ANKRD62: variants seen among roughly 807,000 people sequenced by gnomAD.
ANKRD62 encodes ankyrin repeat domain-containing protein 62.
In ANKRD62, 61 loss-of-function variants were observed where a neutral mutation model predicts 98.8. The observed-to-expected ratio is 0.62, with a 90% CI of 0.50 to 0.76. The LOEUF is 0.76. Ranked by LOEUF, ANKRD62 falls within the 30% of genes least tolerant of loss-of-function variation. The pLI, the probability that ANKRD62 is intolerant of heterozygous loss-of-function variation, is 0.00. For missense variants in ANKRD62, 933 were observed against 1,082.9 expected, an observed-to-expected ratio of 0.86 and a Z score of 1.94; for synonymous variants, 341 against 367.9, an observed-to-expected ratio of 0.93 and a Z score of 0.84.
the ANKRD62 span, among the ~76,000 whole-genome samples, chr18:12,173,534 C>G: frequency 6.6e-6 from 1 of 152,156 alleles, no homozygotes; most frequent in Admixed American, 6.5e-5. Context: ...ATCCTGTCGT[C>G]ATGATGTTAG....
chr18:12,140,656 A>G, the ANKRD62 span, among the ~76,000 whole-genome samples: 1 of 152,316 alleles, frequency 6.6e-6, no homozygotes, highest in Middle Eastern at 3.4e-3. Context: ...TGGCTGCACA[A>G]CAGCAGATAT....
chr18:12,122,667 A>T (rs573233051), intron 11 of ANKRD62, among the ~76,000 whole-genome samples, 151 bp downstream of exon 11: 1 of 152,352 alleles, frequency 6.6e-6, no homozygotes, highest in African/African-American at 2.4e-5. Flanking sequence ...ATAAAAAATC[A>T]CAAGTTAATT....
intron 10 of ANKRD62, among the ~76,000 whole-genome samples, chr18:12,119,150 A>G (rs781466640): frequency 2.0e-5 from 3 of 151,076 alleles, no homozygotes; most frequent in Non-Finnish European, 4.4e-5. Context: ...AATTTTATCT[A>G]TTTTGTCATG....
At position 12,094,197 on chromosome 18, in the gene ANKRD62, C is replaced by T. The variant is rs905814472; in HGVS notation, c.180C>T (p.Leu60=). The T allele has an allele frequency of 1.1e-5, 17 of 1,530,540 alleles. No individual in the cohort carries two copies. Among genetic ancestry groups the T allele is most frequent in the African/African-American group, 2.8e-5 (2 of 70,760 alleles). 94.8% of individuals were successfully genotyped at this position (1,530,540 alleles called of 1,614,324 possible). The change falls in exon 1 of 14, where the codon CTC becomes CTT. Residue 60 remains leucine, a synonymous_variant. Coordinates refer to ENST00000587848, the MANE Select transcript of ANKRD62 (RefSeq NM_001277333.2). ...ACAAGGTGATGGAGAGCATCTTGCT[C>T]AGGCTGAATGACTTGAACGACAGGG... ...DVNKVMESIL[L]RLNDLNDRDK...
the ANKRD62 span, among the ~76,000 whole-genome samples, chr18:12,154,588 T>C: frequency 6.6e-6 from 1 of 152,220 alleles, no homozygotes; most frequent in Non-Finnish European, 1.5e-5. Flanking sequence ...AAAGCAGAAC[T>C]AGCATTCCAC....
chr18:12,109,233 T>C (rs1167589691), intron 8 of ANKRD62, among the ~76,000 whole-genome samples: 3 of 152,220 alleles, frequency 2.0e-5, no homozygotes, highest in African/African-American at 7.2e-5. Flanking sequence ...CATCTAGGCA[T>C]TTCCATACAT....
chr18:12,150,392 G>A, the ANKRD62 span, among the ~76,000 whole-genome samples: 1 of 152,182 alleles, frequency 6.6e-6, no homozygotes, highest in Non-Finnish European at 1.5e-5. Context: ...TCAGTATATT[G>A]TCTATGACAA....
At chr18:12,126,956 T>A (rs1402410030) in intron 13 of ANKRD62, among the ~76,000 whole-genome samples, 1 of 152,234 alleles carries the variant, frequency 6.6e-6, no homozygotes, top group African/African-American at 2.4e-5. Flanking sequence ...ATACAAACAT[T>A]CCATTCTTTA....
the ANKRD62 span, among the ~76,000 whole-genome samples, chr18:12,155,372 A>C: frequency 6.6e-6 from 1 of 152,246 alleles, no homozygotes; most frequent in African/African-American, 2.4e-5. Flanking sequence ...GCAGGAGGCC[A>C]CATCTTGGCT....
the ANKRD62 span, among the ~76,000 whole-genome samples, chr18:12,154,492 G>A: frequency 6.6e-6 from 1 of 152,200 alleles, no homozygotes; most frequent in Admixed American, 6.5e-5. Context: ...TACATTGTTG[G>A]TGGGAGTGTT....
the ANKRD62 span, among the ~76,000 whole-genome samples, chr18:12,135,131 T>C: frequency 6.6e-6 from 1 of 150,582 alleles, no homozygotes; most frequent in Non-Finnish European, 1.5e-5. Context: ...CATGTTGGTG[T>C]GCTGCACCCA....
chr18:12,116,374 T>C (rs1909665523), intron 10 of ANKRD62, among the ~76,000 whole-genome samples: 1 of 152,242 alleles, frequency 6.6e-6, no homozygotes, highest in Admixed American at 6.5e-5. Context: ...CTTATGGGTG[T>C]GGTTAATATG....
the ANKRD62 span, among the ~76,000 whole-genome samples, chr18:12,163,391 T>C: frequency 3.9e-5 from 6 of 152,068 alleles, no homozygotes; most frequent in African/African-American, 1.4e-4. Context: ...TCAGTTCTAA[T>C]AGGTTTTTGT....
chr18:12,139,653 A>T, the ANKRD62 span, among the ~76,000 whole-genome samples: 1 of 151,774 alleles, frequency 6.6e-6, no homozygotes, highest in Non-Finnish European at 1.5e-5. Context: ...CTCAAAAAAA[A>T]AAAGAATGTT....
At chr18:12,146,862 T>A in the ANKRD62 span, among the ~76,000 whole-genome samples, 5 of 150,924 alleles carry the variant, frequency 3.3e-5, no homozygotes, top group Admixed American at 3.3e-4. Flanking sequence ...GTTTCCAACC[T>A]CCCTGGGATG....
Position 12,127,786 on chromosome 18 carries a change from C to G in ANKRD62, c.2601C>G (p.Ala867=), listed in dbSNP as rs1286980381. Reference sequence around the variant, plus strand: ...AGCTTCAACGAGAAGTGGATGATGCCCTGAACAAACAATTGCTGTTAGAAG... The same window carrying G: ...AGCTTCAACGAGAAGTGGATGATGCGCTGAACAAACAATTGCTGTTAGAAG... ...RRQLQREVDD[A]LNKQLLLEAM... is the part of the protein sequence containing the mutation. The change falls in exon 14 of 14, where the codon GCC becomes GCG. Residue 867 remains alanine (A), a synonymous_variant. Coordinates refer to ENST00000587848, the MANE Select transcript of ANKRD62 (RefSeq NM_001277333.2). The G allele has an allele frequency of 6.8e-7, 1 of 1,479,754 alleles. No homozygotes were observed. The highest frequency in any genetic ancestry group is 8.9e-7 in the Non-Finnish European group (1 of 1,121,720). 91.7% of individuals were successfully genotyped at this position (1,479,754 alleles called of 1,614,324 possible).
At chr18:12,160,511 C>A in the ANKRD62 span, among the ~76,000 whole-genome samples, 2 of 152,144 alleles carry the variant, frequency 1.3e-5, no homozygotes, top group African/African-American at 4.8e-5. Context: ...TAGTTTGACC[C>A]TTCCAGCCAG....
At chr18:12,095,869 CAT>C (rs1431627908) in intron 3 of ANKRD62, among the ~76,000 whole-genome samples, 2 of 152,196 alleles carry the variant, frequency 1.3e-5, no homozygotes, top group Non-Finnish European at 2.9e-5. Context: ...AACTCATACA[CAT>C]GTCTAGATTT....
the ANKRD62 span, among the ~76,000 whole-genome samples, chr18:12,166,567 C>A: frequency 1.3e-5 from 2 of 152,010 alleles, no homozygotes; most frequent in Non-Finnish European, 2.9e-5. Context: ...TTCCTCGAAA[C>A]ACCCACTTTG....
Sources: allele counts gnomAD v4.1 joint callset (sites outside exome capture counted in the v4.1 genomes callset), GRCh38; gene constraint gnomAD v4.1.1; transcripts MANE v1.5; gene names NCBI Gene and HGNC (gene_info 2026-07-23, HGNC 2026-07-21).